HIPK2: variants seen among roughly 807,000 people sequenced by gnomAD.
HIPK2 encodes homeodomain-interacting protein kinase 2.
Under a neutral mutation model 113.7 loss-of-function variants are expected in HIPK2, and 27 were observed. The ratio of observed to expected loss-of-function variants is 0.24; its 90% CI spans 0.17 to 0.33. The LOEUF (loss-of-function observed/expected upper bound fraction) is 0.33. Ranked by LOEUF, HIPK2 falls within the 10% of genes least tolerant of loss-of-function variation. The pLI is 1.00. For missense variants in HIPK2, 1,257 were observed against 1,588.0 expected, an observed-to-expected ratio of 0.79 and a Z score of 3.54; for synonymous variants, 631 against 642.2, an observed-to-expected ratio of 0.98 and a Z score of 0.26.
At chr7:139,749,084 G>T (rs1187386326) in intron 1 of HIPK2, among the ~76,000 whole-genome samples, 1 of 152,244 alleles carries the variant, frequency 6.6e-6, no homozygotes, top group Non-Finnish European at 1.5e-5. Flanking sequence ...GTCACAAGTA[G>T]AGTGCTGGGG....
chr7:139,614,397 T>G lies in HIPK2; in HGVS notation c.1879A>C (p.Met627Leu). Residue 627 changes from methionine to leucine, a missense_variant, in exon 8 of 15, where the codon ATG (methionine) becomes CTG (leucine). By Grantham distance (15) the Met-to-Leu change is conservative. Around this residue, in one of 5 missense-constraint regions of HIPK2, gnomAD observed 862 missense variants for 1,004.3 expected, o/e 0.86. Coordinates refer to ENST00000406875, the MANE Select transcript of HIPK2 (RefSeq NM_022740.5). The part of the protein sequence containing the change: ...STLYQPSAAS[M>L]AAVAQRSMPL... The stretch of plus-strand genomic sequence containing the variant: ...ATGCTCCGCTGGGCCACTGCAGCCA[T>G]GGATGCCGCTGAGGGCTGGTAGAGT... 6.3e-7 allele frequency: 1 copy of G among 1,575,518 alleles called. No individual in the cohort carries two copies. The highest frequency in any genetic ancestry group is 8.6e-7 in the Non-Finnish European group (1 of 1,156,304).
intron 1 of HIPK2, among the ~76,000 whole-genome samples, chr7:139,731,806 A>T (rs1033385754): frequency 1.3e-5 from 2 of 152,194 alleles, no homozygotes; most frequent in Non-Finnish European, 2.9e-5. Context: ...TTTAAATAGC[A>T]ACTGCTATTT....
chr7:139,593,612 G>A (rs931848679), intron 12 of HIPK2, among the ~76,000 whole-genome samples: 2 of 152,166 alleles, frequency 1.3e-5, no homozygotes, highest in Non-Finnish European at 2.9e-5. Flanking sequence ...CCCTCTGAAG[G>A]TCATCGGCTG....
chr7:139,623,221 C>G (rs184627647), intron 6 of HIPK2, among the ~76,000 whole-genome samples: 302 of 152,212 alleles, frequency 2.0e-3, no homozygotes, highest in South Asian at 7.5e-3. Context: ...AGAAACAGGA[C>G]AAATCCAGGC....
chr7:139,597,346 C>T (rs1348808100), intron 11 of HIPK2, among the ~76,000 whole-genome samples: 1 of 152,206 alleles, frequency 6.6e-6, no homozygotes, highest in Non-Finnish European at 1.5e-5. Flanking sequence ...CACACCCCCT[C>T]GCCTTCAGGG....
rs767887949 is a variant in HIPK2 at position 139,584,046 on chromosome 7, T to C, written c.2736A>G (p.Arg912=). The change falls in exon 13 of 15, where the codon AGA becomes AGG. Residue 912 remains arginine, a synonymous_variant. Coordinates refer to ENST00000406875, the MANE Select transcript of HIPK2 (RefSeq NM_022740.5). ...CTGTGACACAGCTGATGACGTTTTTTCTTTGCTTGGAGACAGTGCTGAAAA... is the reference window on the plus strand; with the variant it reads ...CTGTGACACAGCTGATGACGTTTTTCCTTTGCTTGGAGACAGTGCTGAAAA... ...HAPTSTVSKQ[R]KNVISCVTVH... 1.1e-5 allele frequency: 18 copies of C among 1,596,670 alleles called. No homozygotes were observed. The highest frequency in any genetic ancestry group is 1.3e-5 in the African/African-American group (1 of 74,484).
intron 1 of HIPK2, among the ~76,000 whole-genome samples, chr7:139,720,030 C>G (rs534967745): frequency 6.6e-6 from 1 of 152,344 alleles, no homozygotes; most frequent in African/African-American, 2.4e-5. Flanking sequence ...CATGTTGATT[C>G]CAACTACCTT....
chr7:139,761,184 C>T (rs368637238), intron 1 of HIPK2, among the ~76,000 whole-genome samples: 1 of 152,278 alleles, frequency 6.6e-6, no homozygotes, highest in East Asian at 1.9e-4. Flanking sequence ...CCAGACGGCC[C>T]CAGGCAGTAC....
rs752468750 is a variant in HIPK2, at chr7:139,572,951, C to T, written c.3573G>A (p.Lys1191=). ...VYTGYPLSPA[K]VNQYPYI ...TTTATATGTAAGGGTACTGGTTGACCTTGGCGGGGCTCAGTGGGTATCCAG... is the reference window on the plus strand; with the variant it reads ...TTTATATGTAAGGGTACTGGTTGACTTTGGCGGGGCTCAGTGGGTATCCAG... The change falls in exon 15 of 15, where the codon AAG becomes AAA. Residue 1191 remains lysine, a synonymous_variant. Coordinates refer to ENST00000406875, the MANE Select transcript of HIPK2 (RefSeq NM_022740.5). 3 of 1,355,636 alleles carry T rather than the reference C, an allele frequency of 2.2e-6. No individual in the cohort carries two copies. Among genetic ancestry groups the T allele is most frequent in the Non-Finnish European group, 2.9e-6 (3 of 1,021,650 alleles). The allele number at this position is 1,355,636 out of a possible 1,614,324, so 84.0% of individuals were successfully genotyped here.
Position 139,628,955 on chromosome 7 carries a change from G to C in HIPK2, c.1432C>G (p.Gln478Glu). ...YIFNCLDDMA[Q>E]VNMTTDLEGS... ...GCATACTCACCCATGAAGCTTACCTGGGCCATATCATCTAAACAGTTGAAA... is the reference window on the plus strand; with the variant it reads ...GCATACTCACCCATGAAGCTTACCTCGGCCATATCATCTAAACAGTTGAAA... Residue 478 changes from glutamine (Q) to glutamate (E), a missense_variant and splice_region_variant, in exon 5 of 15, where the codon CAG becomes GAG. By Grantham distance (29) the Gln-to-Glu change is conservative. Transcript: ENST00000406875. 1 of 1,591,920 alleles carries C rather than the reference G, an allele frequency of 6.3e-7. No individual in the cohort carries two copies. Among genetic ancestry groups the C allele is most frequent in the Non-Finnish European group, 8.6e-7 (1 of 1,167,374 alleles).
chr7:139,753,104 C>T (rs1487689096), intron 1 of HIPK2, among the ~76,000 whole-genome samples: 1 of 152,162 alleles, frequency 6.6e-6, no homozygotes, highest in Non-Finnish European at 1.5e-5. Context: ...TTTTCTATTC[C>T]ATTCTTGGCT....
chr7:139,714,114 C>G lies in HIPK2; in HGVS notation c.1103+1818G>C, dbSNP rs1190812449. On this transcript the variant is annotated intron_variant, in intron 2 of 14. Transcript: ENST00000406875. This position sits in a 1 kb window ranked among gnomAD's most constrained non-coding sequence, Gnocchi z 4.2. The stretch of plus-strand genomic sequence containing the variant: ...GCAAGTGGAGGGGCAGCAGTAGACC[C>G]GTCTGTCCGCACGGGGCCTGGTGGT... Among the ~76,000 whole-genome samples, 2 of 152,188 alleles carry G rather than the reference C, an allele frequency of 1.3e-5. No homozygotes were observed. Among genetic ancestry groups the G allele is most frequent in the Non-Finnish European group, 2.9e-5 (2 of 68,028 alleles).
Position 139,631,830 on chromosome 7 carries a change from C to T in HIPK2, c.1104-105G>A, listed in dbSNP as rs1283586469. 5 of 1,370,672 alleles carry T rather than the reference C, an allele frequency of 3.6e-6. No homozygotes were observed. Among genetic ancestry groups the T allele is most frequent in the Non-Finnish European group, 4.9e-6 (5 of 1,022,280 alleles). The allele number at this position is 1,370,672 out of a possible 1,614,324, so 84.9% of individuals were successfully genotyped here. Reference sequence around the variant, plus strand: ...CCTGGGGTGCCATTACTGACTCCTCCTCTGAAGGGCCTGTGGCTCTCAGGA... The same window carrying T: ...CCTGGGGTGCCATTACTGACTCCTCTTCTGAAGGGCCTGTGGCTCTCAGGA... On this transcript the variant is annotated intron_variant, in intron 2 of 14. Coordinates refer to ENST00000406875, the MANE Select transcript of HIPK2 (RefSeq NM_022740.5). The surrounding 1 kb of genome is among the most constrained non-coding windows in gnomAD (Gnocchi z 4.9).
chr7:139,714,932 G>C lies in HIPK2; in HGVS notation c.1103+1000C>G, dbSNP rs553203823. 6.6e-6 allele frequency among the ~76,000 whole-genome samples: 1 copy of C among 152,314 alleles called. No homozygotes were observed. The highest frequency in any genetic ancestry group is 2.4e-5 in the African/African-American group (1 of 41,582). The stretch of plus-strand genomic sequence containing the variant: ...TTACCTCCCAGCTGCCCACGAGGCT[G>C]GTGAGAGGATTTCTCCCACTTCATG... On this transcript the variant is annotated intron_variant, in intron 2 of 14. Transcript: ENST00000406875. The surrounding 1 kb of genome is among the most constrained non-coding windows in gnomAD (Gnocchi z 4.2).
At chr7:139,729,353 G>GAT (rs1232112645) in intron 1 of HIPK2, among the ~76,000 whole-genome samples, 9 of 150,054 alleles carry the variant, frequency 6.0e-5, no homozygotes, top group Non-Finnish European at 1.3e-4. Flanking sequence ...GAGAGAGAGA[G>GAT]AGAGAGAGAG....
chr7:139,573,504 C>T, intron 14 of HIPK2, 107 bp from the exon 15 acceptor site: 1 of 1,037,946 alleles, frequency 9.6e-7, no homozygotes, highest in Non-Finnish European at 1.4e-6. Context: ...GGAAAGACTC[C>T]AGAAGTAATA....
chr7:139,639,006 A>G (rs1358882160), intron 2 of HIPK2, among the ~76,000 whole-genome samples: 1 of 152,134 alleles, frequency 6.6e-6, no homozygotes, highest in African/African-American at 2.4e-5. Context: ...TGCCTCTACT[A>G]TACCTCCTGG....
At chr7:139,735,370 T>C (rs1334274566) in intron 1 of HIPK2, among the ~76,000 whole-genome samples, 2 of 152,224 alleles carry the variant, frequency 1.3e-5, no homozygotes, top group African/African-American at 2.4e-5. Context: ...TGATTCAGAT[T>C]GATCCATCAG....
At chr7:139,648,514 C>T (rs369267542) in intron 2 of HIPK2, among the ~76,000 whole-genome samples, 2 of 152,280 alleles carry the variant, frequency 1.3e-5, no homozygotes, top group African/African-American at 2.4e-5. Flanking sequence ...GAAGGGAATA[C>T]GGCACACAGT....
Sources: allele counts gnomAD v4.1 joint callset (sites outside exome capture counted in the v4.1 genomes callset), GRCh38; gene constraint gnomAD v4.1.1; regional missense constraint gnomAD v4.1.1; non-coding constraint Gnocchi (gnomAD v3.1); transcripts MANE v1.5; gene names NCBI Gene and HGNC (gene_info 2026-07-23, HGNC 2026-07-21).